Variants in ARSB observed in about 807,000 individuals in gnomAD.
ARSB encodes the protein arylsulfatase B, also known as N-acetylgalactosamine-4-sulfatase.
Under a neutral mutation model 50.9 loss-of-function variants are expected in ARSB, and 41 were observed. The observed-to-expected ratio is 0.81, with a 90% CI of 0.63 to 1.04. The LOEUF (loss-of-function observed/expected upper bound fraction) is 1.04, where lower values mean the gene tolerates loss of function less well. Among genes scored for constraint, ARSB ranks in the 50% least tolerant of loss-of-function variants. The probability of loss-of-function intolerance (pLI) is 0.00; values close to 1 mark genes in which losing one functional copy is unlikely to be tolerated. For missense variants in ARSB, 672 were observed against 693.3 expected (o/e 0.97, Z 0.35); for synonymous variants, 269 against 284.8 (o/e 0.94, Z 0.56).
At chr5:78,896,262 T>C (rs1432836133) in intron 4 of ARSB, among the ~76,000 whole-genome samples, 1 of 152,016 alleles carries the variant, frequency 6.6e-6, no homozygotes, top group African/African-American at 2.4e-5. Context: ...ATGGATGATA[T>C]AAAAAGGCCA....
intron 4 of ARSB, among the ~76,000 whole-genome samples, chr5:78,939,282 CTTT>C (rs11339765): frequency 1.3e-5 from 2 of 148,434 alleles, no homozygotes; most frequent in East Asian, 2.0e-4. Flanking sequence ...CTATGTATTT[CTTT>C]TTTTTTTTTT....
chr5:78,985,336 T>C (rs1158111118), upstream of ARSB: 129 of 1,156,408 alleles, frequency 1.1e-4, no homozygotes, highest in Non-Finnish European at 1.3e-4. Flanking sequence ...CGGGGCCTGC[T>C]CCGCCCCGGC....
chr5:78,925,068 C>T (rs75452388), intron 4 of ARSB, among the ~76,000 whole-genome samples: 3,766 of 152,260 alleles, frequency 0.025, 157 homozygotes, highest in African/African-American at 0.084. Flanking sequence ...TTTATGTCTG[C>T]TCCTGTCTGA....
chr5:78,816,245 A>T, intron 6 of ARSB: 1 of 1,552,884 alleles, frequency 6.4e-7, no homozygotes, highest in Middle Eastern at 1.7e-4. Flanking sequence ...AAGGGCAAGG[A>T]CTGTCTCCTT....
chr5:78,881,057 C>T (rs1747724470), intron 5 of ARSB, among the ~76,000 whole-genome samples: 1 of 152,052 alleles, frequency 6.6e-6, no homozygotes, highest in Admixed American at 6.6e-5. Context: ...CATGGCAAAA[C>T]CCAGGCTCTA....
At chr5:78,925,305 G>A (rs938357724) in intron 4 of ARSB, among the ~76,000 whole-genome samples, 1 of 152,040 alleles carries the variant, frequency 6.6e-6, no homozygotes, top group Non-Finnish European at 1.5e-5. Flanking sequence ...AAGGAAAAAA[G>A]CAAATAAATC....
chr5:78,795,219 T>C (rs1017355732), intron 6 of ARSB, among the ~76,000 whole-genome samples: 4 of 152,218 alleles, frequency 2.6e-5, no homozygotes, highest in African/African-American at 7.2e-5. Flanking sequence ...AAACAAACTC[T>C]ATGCAGCTGC....
chr5:78,798,561 G>A (rs1465878955), intron 6 of ARSB, among the ~76,000 whole-genome samples: 4 of 151,992 alleles, frequency 2.6e-5, no homozygotes, highest in East Asian at 3.9e-4. Context: ...CATCCAAAAC[G>A]CCTTGCTGAA....
At chr5:78,887,959 C>T (rs1561483852) in intron 4 of ARSB, among the ~76,000 whole-genome samples, 1 of 152,182 alleles carries the variant, frequency 6.6e-6, no homozygotes, top group African/African-American at 2.4e-5. Flanking sequence ...GGCTTAGCTG[C>T]TGTTGGGGAA....
At chr5:78,854,047 G>T (rs896081981) in intron 5 of ARSB, among the ~76,000 whole-genome samples, 13 of 152,342 alleles carry the variant, frequency 8.5e-5, no homozygotes, top group African/African-American at 3.1e-4. Context: ...TTAGGCTTGC[G>T]CATGGTGCGC....
chr5:78,842,045 C>T (rs1561452332), intron 5 of ARSB, among the ~76,000 whole-genome samples: 5 of 151,948 alleles, frequency 3.3e-5, no homozygotes, highest in African/African-American at 9.7e-5. Flanking sequence ...TGTGGATTTC[C>T]GTTAATAGTT....
At chr5:78,852,898 T>C (rs985437478) in intron 5 of ARSB, among the ~76,000 whole-genome samples, 9 of 152,254 alleles carry the variant, frequency 5.9e-5, no homozygotes, top group Admixed American at 3.9e-4. Flanking sequence ...GCCTTGGCTT[T>C]CAGCTCCATC....
rs1752346764 is a variant in ARSB at position 78,969,300 on chromosome 5, T to C, written c.313-108A>G. 3 of 1,207,914 alleles carry C rather than the reference T, an allele frequency of 2.5e-6. No homozygotes were observed. In the Admixed American group the frequency reaches 5.4e-5, roughly 22 times the overall value. 74.8% of individuals were successfully genotyped at this position (1,207,914 alleles called of 1,614,324 possible). On this transcript the variant is annotated intron_variant, in intron 1 of 7. Coordinates refer to ENST00000264914, the MANE Select transcript of ARSB (RefSeq NM_000046.5). ...GATCATATCTGTTGACTTGGATGTT[T>C]AACTCTATTCCTGTACTGGCTTGAG...
At chr5:78,855,419 G>A (rs1205251256) in intron 5 of ARSB, among the ~76,000 whole-genome samples, 1 of 152,198 alleles carries the variant, frequency 6.6e-6, no homozygotes, top group Non-Finnish European at 1.5e-5. Flanking sequence ...GGTGGTGGGA[G>A]GTGGAGCAGC....
intron 6 of ARSB, among the ~76,000 whole-genome samples, chr5:78,785,688 G>A (rs1749058296): frequency 6.6e-6 from 1 of 152,188 alleles, no homozygotes; most frequent in African/African-American, 2.4e-5. Context: ...TGATAGGCAG[G>A]ATAATGGTTC....
chr5:78,789,584 A>T (rs1440867796), intron 6 of ARSB, among the ~76,000 whole-genome samples: 1 of 152,250 alleles, frequency 6.6e-6, no homozygotes, highest in Non-Finnish European at 1.5e-5. Context: ...CTACAAAGTC[A>T]TCACAAAGGC....
intron 6 of ARSB, among the ~76,000 whole-genome samples, chr5:78,832,045 C>T (rs1165239347): frequency 6.6e-6 from 1 of 152,044 alleles, no homozygotes; most frequent in East Asian, 1.9e-4. Context: ...GAGAACTATA[C>T]AATGAAGCCT....
intron 4 of ARSB, among the ~76,000 whole-genome samples, chr5:78,915,788 T>G (rs1749523499): frequency 6.6e-6 from 1 of 152,198 alleles, no homozygotes. Flanking sequence ...TGAAGGTAAT[T>G]TTATACAATA....
intron 6 of ARSB, among the ~76,000 whole-genome samples, chr5:78,788,959 T>C (rs1749169428): frequency 6.6e-6 from 1 of 152,162 alleles, no homozygotes; most frequent in African/African-American, 2.4e-5. Flanking sequence ...AAAGGGTCTA[T>C]GGCTAATATA....
Sources: allele counts gnomAD v4.1 joint callset (sites outside exome capture counted in the v4.1 genomes callset), GRCh38; gene constraint gnomAD v4.1.1; transcripts MANE v1.5; gene names NCBI Gene and HGNC (gene_info 2026-07-23, HGNC 2026-07-21).